The following PHACTR3 variants were observed in gnomAD, a reference collection of about 807,000 sequenced individuals.
PHACTR3 encodes protein phosphatase 1, regulatory subunit 123.
PHACTR3 carries 16 observed loss-of-function variants against 66.8 expected under a neutral mutation model. The observed-to-expected ratio is 0.24, with a 90% confidence interval of 0.16 to 0.36. The LOEUF is 0.36. PHACTR3 is among the 10% of genes least tolerant of loss of function. The pLI, the probability that PHACTR3 is intolerant of heterozygous loss-of-function variation, is 1.00. For synonymous variants in PHACTR3, 323 were observed against 292.1 expected, an observed-to-expected ratio of 1.11 and a Z score of -1.08; for missense variants, 647 against 719.9, an observed-to-expected ratio of 0.90 and a Z score of 1.16.
intron 1 of PHACTR3, among the ~76,000 whole-genome samples, chr20:59,613,418 G>A (rs911048510): frequency 1.3e-5 from 2 of 152,198 alleles, no homozygotes; most frequent in African/African-American, 2.4e-5. Context: ...TCCACCTGCC[G>A]AGTTTGACAT....
chr20:59,804,187 G>A (rs1424756926), intron 7 of PHACTR3, among the ~76,000 whole-genome samples: 1 of 152,182 alleles, frequency 6.6e-6, no homozygotes, highest in Non-Finnish European at 1.5e-5. Context: ...GTCCTACTGT[G>A]TATCCTTGCT....
chr20:59,582,521 G>A (rs1410814411), intron 1 of PHACTR3, among the ~76,000 whole-genome samples: 6 of 152,188 alleles, frequency 3.9e-5, no homozygotes, highest in African/African-American at 1.4e-4. Flanking sequence ...TTGCCAGACT[G>A]TTTCCCAAAG....
At chr20:59,657,872 C>T (rs764543237) in intron 1 of PHACTR3, among the ~76,000 whole-genome samples, 6 of 152,090 alleles carry the variant, frequency 3.9e-5, no homozygotes, top group Non-Finnish European at 8.8e-5. Flanking sequence ...TAGGCTTTAG[C>T]CATTATTTCT....
intron 1 of PHACTR3, among the ~76,000 whole-genome samples, chr20:59,662,077 G>A (rs892160958): frequency 6.6e-6 from 1 of 152,142 alleles, no homozygotes; most frequent in Non-Finnish European, 1.5e-5. Flanking sequence ...AGCTACAGAC[G>A]ATTCATTCAT....
At chr20:59,693,362 T>A (rs1007923179) in intron 1 of PHACTR3, among the ~76,000 whole-genome samples, 2 of 152,212 alleles carry the variant, frequency 1.3e-5, no homozygotes, top group Admixed American at 1.3e-4. Flanking sequence ...TGCAGAATCA[T>A]CACCTACTTT....
At chr20:59,700,981 G>A (rs1380533577) in intron 1 of PHACTR3, among the ~76,000 whole-genome samples, 1 of 151,250 alleles carries the variant, frequency 6.6e-6, no homozygotes, top group African/African-American at 2.4e-5. Context: ...TTTTGGCGAC[G>A]GGGTCTCACT....
chr20:59,696,989 G>C (rs1261863196), intron 1 of PHACTR3, among the ~76,000 whole-genome samples: 1 of 152,208 alleles, frequency 6.6e-6, no homozygotes, highest in African/African-American at 2.4e-5. Flanking sequence ...AGCAGAGGGT[G>C]CTGGGATTCA....
At chr20:59,845,896 C>G (rs1287083846) in intron 12 of PHACTR3, among the ~76,000 whole-genome samples, 1 of 152,154 alleles carries the variant, frequency 6.6e-6, no homozygotes, top group African/African-American at 2.4e-5. Flanking sequence ...CTATGATATG[C>G]AAGGGATGAC....
intron 8 of PHACTR3, among the ~76,000 whole-genome samples, chr20:59,811,003 G>A (rs2041722021): frequency 1.3e-5 from 2 of 152,218 alleles, no homozygotes; most frequent in African/African-American, 4.8e-5. Context: ...AGGTGCCGGC[G>A]ATGTGCTTGA....
intron 5 of PHACTR3, among the ~76,000 whole-genome samples, chr20:59,769,391 G>A (rs2040290399): frequency 6.6e-6 from 1 of 152,248 alleles, no homozygotes; most frequent in South Asian, 2.1e-4. Flanking sequence ...CATGTGACAG[G>A]CAGGACAGGA....
At position 59,841,409 on chromosome 20, in the gene PHACTR3, C is replaced by G; in HGVS notation, c.1461C>G (p.Pro487=). The G allele has an allele frequency of 2.5e-6, 4 of 1,611,928 alleles. No homozygotes were observed. The highest frequency in any genetic ancestry group is 3.4e-6 in the Non-Finnish European group (4 of 1,178,924). ...TTTAATTTTAGCTTAATCAGAGACC[C>G]ACTGTTGATGAATTAAGAGACAGAA... ...QRLTRKLNQR[P]TVDELRDRKI... The change falls in exon 11 of 13, where the codon CCC becomes CCG. Residue 487 remains proline, a synonymous_variant. Coordinates refer to ENST00000371015, the MANE Select transcript of PHACTR3 (RefSeq NM_080672.5).
intron 1 of PHACTR3, among the ~76,000 whole-genome samples, chr20:59,617,926 C>T (rs373530328): frequency 4.6e-5 from 7 of 152,166 alleles, no homozygotes; most frequent in African/African-American, 7.2e-5. Context: ...CGTGGTAGAT[C>T]GTCTGGTGAG....
chr20:59,596,914 C>T (rs2033341416), intron 1 of PHACTR3, among the ~76,000 whole-genome samples: 1 of 152,266 alleles, frequency 6.6e-6, no homozygotes, highest in Non-Finnish European at 1.5e-5. Context: ...TACACTACTA[C>T]CTCTCCATGC....
chr20:59,740,315 AT>A (rs60441819), intron 1 of PHACTR3, among the ~76,000 whole-genome samples: 17,991 of 151,274 alleles, frequency 0.12, 1,488 homozygotes, highest in East Asian at 0.33. Flanking sequence ...TTTCATTTTA[AT>A]TTTTTTTTAG....
intron 1 of PHACTR3, among the ~76,000 whole-genome samples, chr20:59,692,677 T>G (rs550094244): frequency 6.6e-6 from 1 of 152,324 alleles, no homozygotes; most frequent in South Asian, 2.1e-4. Context: ...AAAGGCCTGG[T>G]TCCCTGCTAG....
At chr20:59,839,578 A>C (rs2059021014) in intron 9 of PHACTR3, among the ~76,000 whole-genome samples, 1 of 152,190 alleles carries the variant, frequency 6.6e-6, no homozygotes, top group Non-Finnish European at 1.5e-5. Flanking sequence ...AACACCAGAA[A>C]TAGGACAGCC....
chr20:59,711,955 AT>A (rs1340039443), intron 1 of PHACTR3, among the ~76,000 whole-genome samples: 7 of 152,142 alleles, frequency 4.6e-5, no homozygotes, highest in Non-Finnish European at 8.8e-5. Flanking sequence ...CTTCTTGTTC[AT>A]TTTAAAGAGG....
chr20:59,733,072 C>CTTTT (rs35384852), intron 1 of PHACTR3, among the ~76,000 whole-genome samples: 6 of 127,942 alleles, frequency 4.7e-5, no homozygotes, highest in African/African-American at 1.7e-4. Flanking sequence ...AAATTCACTC[C>CTTTT]TTTTTTTTTT....
At chr20:59,707,539 T>C (rs1232336133) in intron 1 of PHACTR3, among the ~76,000 whole-genome samples, 1 of 144,356 alleles carries the variant, frequency 6.9e-6, no homozygotes, top group Non-Finnish European at 1.5e-5. Context: ...TAATCTCAGC[T>C]CACTGCAACC....
Sources: allele counts gnomAD v4.1 joint callset (sites outside exome capture counted in the v4.1 genomes callset), GRCh38; gene constraint gnomAD v4.1.1; transcripts MANE v1.5; gene names NCBI Gene and HGNC (gene_info 2026-07-23, HGNC 2026-07-21).